PTPRM: variants seen among roughly 807,000 people sequenced by gnomAD.
PTPRM encodes the protein receptor-type tyrosine-protein phosphatase mu.
A neutral mutation model predicts 186.7 loss-of-function variants in PTPRM; 47 were observed. The observed-to-expected ratio is 0.25, with a 90% confidence interval of 0.20 to 0.32. PTPRM has a LOEUF of 0.32. Ranked by LOEUF, PTPRM falls within the 10% of genes least tolerant of loss-of-function variation. The pLI is 1.00. For synonymous variants in PTPRM, 668 were observed against 674.9 expected, an observed-to-expected ratio of 0.99 and a Z score of 0.16; for missense variants, 1,494 against 1,865.0, an observed-to-expected ratio of 0.80 and a Z score of 3.66.
In PTPRM at chr18:8,381,388, C is replaced by T. The variant is rs2095734845; in HGVS notation, c.3918+961C>T. 2.7e-5 allele frequency among the ~76,000 whole-genome samples: 4 copies of T among 148,556 alleles called. No homozygotes were observed. In the Middle Eastern group the frequency reaches 0.014, roughly 523 times the overall value. ...AAAAAAAAAAAAAAAAAGTCTGAAG[C>T]ATTTCGGCATCCCAACTGGACATGA... On this transcript the variant is annotated intron_variant, in intron 29 of 32. Coordinates refer to ENST00000580170, the MANE Select transcript of PTPRM (RefSeq NM_001105244.2).
chr18:8,163,440 G>A (rs935144198), intron 14 of PTPRM, among the ~76,000 whole-genome samples: 6 of 152,122 alleles, frequency 3.9e-5, no homozygotes, highest in East Asian at 1.9e-4. Flanking sequence ...CTCTTTCACC[G>A]TATAATTAGC....
chr18:7,880,287 C>CT (rs994673993), intron 2 of PTPRM, among the ~76,000 whole-genome samples: 4 of 152,162 alleles, frequency 2.6e-5, no homozygotes, highest in Admixed American at 2.0e-4. Flanking sequence ...AGTATTACTT[C>CT]TTTTTGCTAT....
chr18:8,063,421 C>T (rs1469452928), intron 7 of PTPRM, among the ~76,000 whole-genome samples: 3 of 152,162 alleles, frequency 2.0e-5, no homozygotes, highest in African/African-American at 7.2e-5. Context: ...GCGTCGCTCA[C>T]GCTGGGAGCT....
At chr18:8,344,024 C>T (rs1316577582) in intron 23 of PTPRM, among the ~76,000 whole-genome samples, 4 of 152,170 alleles carry the variant, frequency 2.6e-5, no homozygotes, top group East Asian at 1.9e-4. Flanking sequence ...CTACCTTCTC[C>T]GTAGTAACTG....
chr18:8,108,946 A>G lies in PTPRM; in HGVS notation c.1857-4540A>G, dbSNP rs189058394. On this transcript the variant is annotated intron_variant, in intron 11 of 32. Transcript: ENST00000580170. ...AAGGCAGCATGGGCAACTCATTAAA[A>G]GGATAATAGAATTTAAATTCAGCTC... Among the ~76,000 whole-genome samples the G allele has an allele frequency of 3.7e-4, 57 of 152,340 alleles. 1 individual carries two copies. The highest frequency in any genetic ancestry group is 2.8e-3 in the Admixed American group (43 of 15,298).
chr18:7,892,251 G>T (rs1167683423), intron 3 of PTPRM, among the ~76,000 whole-genome samples: 1 of 152,196 alleles, frequency 6.6e-6, no homozygotes, highest in Non-Finnish European at 1.5e-5. Flanking sequence ...GCCACAGTGT[G>T]CTGGTTTAGC....
intron 14 of PTPRM, among the ~76,000 whole-genome samples, chr18:8,208,537 G>A (rs936326430): frequency 6.8e-6 from 1 of 146,396 alleles, no homozygotes; most frequent in African/African-American, 2.6e-5. Context: ...TTTTAAACAG[G>A]GTCTCACTCT....
In PTPRM at chr18:8,296,403, G is replaced by A. The variant is rs201698857; in HGVS notation, c.2790G>A (p.Ser930=). 5.8e-5 allele frequency: 94 copies of A among 1,611,448 alleles called. No individual in the cohort carries two copies. Among genetic ancestry groups the A allele is most frequent in the South Asian group, 1.6e-4 (15 of 90,978 alleles). ...FFEGQSAPWD[S]AKKDENRMKN... ...AAGGGCAGTCTGCACCATGGGACTC[G>A]GCTAAGAAAGATGAGAACAGAATGA... Residue 930 remains serine, a synonymous_variant, in exon 20 of 33, where the codon TCG becomes TCA. Transcript: ENST00000580170.
chr18:7,660,573 G>A (rs1326700038), intron 1 of PTPRM, among the ~76,000 whole-genome samples: 2 of 152,028 alleles, frequency 1.3e-5, no homozygotes, highest in East Asian at 1.9e-4. Context: ...GATTGGGGCC[G>A]GTGGGCCACA....
chr18:7,852,263 G>C (rs1444623952), intron 2 of PTPRM, among the ~76,000 whole-genome samples: 1 of 152,112 alleles, frequency 6.6e-6, no homozygotes, highest in Non-Finnish European at 1.5e-5. Context: ...TAAATATGAA[G>C]ATATAGAAAG....
intron 2 of PTPRM, among the ~76,000 whole-genome samples, chr18:7,812,367 A>G (rs994650293): frequency 1.8e-4 from 28 of 152,202 alleles, no homozygotes; most frequent in Admixed American, 5.9e-4. Context: ...AAGCAGGAGC[A>G]TATTTTATAA....
intron 1 of PTPRM, among the ~76,000 whole-genome samples, chr18:7,694,721 C>T (rs139985958): frequency 2.2e-4 from 34 of 152,212 alleles, no homozygotes; most frequent in African/African-American, 6.5e-4. Flanking sequence ...GCCGCCGTGC[C>T]GCTGGAAACC....
At chr18:7,973,512 G>T (rs1371644744) in intron 7 of PTPRM, among the ~76,000 whole-genome samples, 1 of 152,026 alleles carries the variant, frequency 6.6e-6, no homozygotes. Flanking sequence ...TTCTTCCTCA[G>T]CAAATTGTCC....
At chr18:7,991,371 C>A (rs1164336735) in intron 7 of PTPRM, among the ~76,000 whole-genome samples, 1 of 151,752 alleles carries the variant, frequency 6.6e-6, no homozygotes, top group Non-Finnish European at 1.5e-5. Context: ...TAGAAAATGG[C>A]TTATGACTAT....
chr18:7,750,091 A>G (rs912477957), intron 1 of PTPRM, among the ~76,000 whole-genome samples: 13 of 152,338 alleles, frequency 8.5e-5, no homozygotes, highest in African/African-American at 3.1e-4. Context: ...CCACAAATAC[A>G]TAATATCTAG....
chr18:7,719,923 TGTA>T (rs1362827814), intron 1 of PTPRM, among the ~76,000 whole-genome samples: 1 of 151,984 alleles, frequency 6.6e-6, no homozygotes, highest in East Asian at 1.9e-4. Flanking sequence ...AAAAGCCAGG[TGTA>T]GTGGTGTGTA....
At chr18:7,834,654 G>GT (rs1250629689) in intron 2 of PTPRM, among the ~76,000 whole-genome samples, 1 of 150,960 alleles carries the variant, frequency 6.6e-6, no homozygotes, top group Admixed American at 6.6e-5. Flanking sequence ...ATCCTCCTCT[G>GT]TTTTTCAGAG....
chr18:7,942,648 G>C (rs1447618180), intron 5 of PTPRM, among the ~76,000 whole-genome samples: 3 of 152,032 alleles, frequency 2.0e-5, no homozygotes, highest in African/African-American at 4.8e-5. Flanking sequence ...CTTGGTGGGG[G>C]GGCGGGGAGG....
intron 22 of PTPRM, among the ~76,000 whole-genome samples, chr18:8,327,760 A>G (rs1294448871): frequency 2.0e-5 from 3 of 152,186 alleles, no homozygotes; most frequent in Non-Finnish European, 2.9e-5. Context: ...CTTTCTTTAC[A>G]TATGTCAGTA....
Sources: allele counts gnomAD v4.1 joint callset (sites outside exome capture counted in the v4.1 genomes callset), GRCh38; gene constraint gnomAD v4.1.1; transcripts MANE v1.5; gene names NCBI Gene and HGNC (gene_info 2026-07-23, HGNC 2026-07-21).